Variants in THSD7A observed in about 807,000 individuals in gnomAD.
THSD7A encodes the protein thrombospondin type 1 domain containing 7A, also known as thrombospondin type-1 domain-containing protein 7A.
Under a neutral mutation model 231.3 loss-of-function variants are expected in THSD7A, and 96 were observed. The observed-to-expected ratio is 0.41, with a 90% CI of 0.35 to 0.49. The LOEUF (loss-of-function observed/expected upper bound fraction) is 0.49. Among genes scored for constraint, THSD7A ranks in the 20% least tolerant of loss-of-function variants. THSD7A has a pLI of 0.05. For synonymous variants in THSD7A, 940 were observed against 743.3 expected (o/e 1.26, Z -4.30); for missense variants, 2,290 against 2,070.2 (o/e 1.11, Z -2.06).
intron 19 of THSD7A, among the ~76,000 whole-genome samples, chr7:11,409,467 A>G (rs758832924): frequency 2.0e-4 from 30 of 152,248 alleles, no homozygotes; most frequent in Admixed American, 3.9e-4. Flanking sequence ...CTAGGCTCCC[A>G]TATAATTAAA....
At chr7:11,816,149 A>C (rs1381711146) in intron 1 of THSD7A, among the ~76,000 whole-genome samples, 1 of 152,192 alleles carries the variant, frequency 6.6e-6, no homozygotes, top group Non-Finnish European at 1.5e-5. Flanking sequence ...GTTTATTTAC[A>C]CAGGATAGAG....
intron 1 of THSD7A, among the ~76,000 whole-genome samples, chr7:11,724,446 T>TTTATTGCTTTATA (rs1781475656): frequency 2.6e-5 from 4 of 151,928 alleles, no homozygotes; most frequent in Non-Finnish European, 2.9e-5. Flanking sequence ...TCTGTACTGA[T>TTTATTGCTTTATA]TTTATTGCTT....
At chr7:11,623,611 G>A (rs1260716950) in intron 2 of THSD7A, among the ~76,000 whole-genome samples, 1 of 152,096 alleles carries the variant, frequency 6.6e-6, no homozygotes, top group Non-Finnish European at 1.5e-5. Context: ...GTAAGTAAAT[G>A]TGGGGGTGGG....
intron 23 of THSD7A, among the ~76,000 whole-genome samples, chr7:11,401,581 T>A (rs986067146): frequency 1.3e-5 from 2 of 149,384 alleles, no homozygotes; most frequent in Non-Finnish European, 3.0e-5. Context: ...CCATGCATAA[T>A]TTTTTTTTTG....
chr7:11,511,200 A>G (rs1787793889), intron 6 of THSD7A, among the ~76,000 whole-genome samples: 1 of 152,200 alleles, frequency 6.6e-6, no homozygotes, highest in Non-Finnish European at 1.5e-5. Flanking sequence ...CAAAGAGAAT[A>G]AAATACCTAG....
At chr7:11,769,079 T>C (rs1783121955) in intron 1 of THSD7A, among the ~76,000 whole-genome samples, 2 of 137,684 alleles carry the variant, frequency 1.5e-5, no homozygotes, top group East Asian at 4.2e-4. Flanking sequence ...TGCCTCAGCC[T>C]CCTGAGTAGC....
chr7:11,700,734 G>A (rs1780566523), intron 1 of THSD7A, among the ~76,000 whole-genome samples: 1 of 150,992 alleles, frequency 6.6e-6, no homozygotes, highest in African/African-American at 2.4e-5. Context: ...TGTTGAGTTC[G>A]GGAATTTATT....
In THSD7A at chr7:11,466,656, T is replaced by C. The variant is rs146044565; in HGVS notation, c.2368+3223A>G. ...TTGTTCTAGGAGAAACAACATGAGCTGCCAAATAAAACAGTCAGCACTCAT... is the reference window on the plus strand; with the variant it reads ...TTGTTCTAGGAGAAACAACATGAGCCGCCAAATAAAACAGTCAGCACTCAT... On this transcript the variant is annotated intron_variant, in intron 9 of 27. Coordinates refer to ENST00000423059, the MANE Select transcript of THSD7A (RefSeq NM_015204.3). 4.9e-3 allele frequency among the ~76,000 whole-genome samples: 741 copies of C among 152,232 alleles called. 3 individuals carry two copies. The highest frequency in any genetic ancestry group is 0.017 in the African/African-American group (713 of 41,550).
At chr7:11,774,560 T>C (rs896122069) in intron 1 of THSD7A, among the ~76,000 whole-genome samples, 1 of 152,126 alleles carries the variant, frequency 6.6e-6, no homozygotes, top group African/African-American at 2.4e-5. Flanking sequence ...GTAATGGATA[T>C]TTTTATTACC....
intron 1 of THSD7A, among the ~76,000 whole-genome samples, chr7:11,686,706 T>C (rs1780069353): frequency 6.6e-6 from 1 of 151,872 alleles, no homozygotes; most frequent in Non-Finnish European, 1.5e-5. Context: ...CTGGAGGCCA[T>C]AATCCTAAGC....
chr7:11,398,358 G>A (rs1783271621), intron 23 of THSD7A, among the ~76,000 whole-genome samples: 1 of 152,054 alleles, frequency 6.6e-6, no homozygotes, highest in Admixed American at 6.6e-5. Context: ...GACACAGGGA[G>A]GGGAACATCA....
chr7:11,386,186 T>A (rs1420052813), intron 23 of THSD7A, among the ~76,000 whole-genome samples: 1 of 152,192 alleles, frequency 6.6e-6, no homozygotes, highest in Admixed American at 6.5e-5. Flanking sequence ...TATGTGTGCA[T>A]GTGTCTTTAT....
chr7:11,816,084 C>G (rs1482971606), intron 1 of THSD7A, among the ~76,000 whole-genome samples: 1 of 152,148 alleles, frequency 6.6e-6, no homozygotes, highest in East Asian at 1.9e-4. Context: ...CTCCCTCCTC[C>G]ATTTTACATC....
chr7:11,745,296 T>G (rs1331139738), intron 1 of THSD7A, among the ~76,000 whole-genome samples: 1 of 152,126 alleles, frequency 6.6e-6, no homozygotes, highest in Non-Finnish European at 1.5e-5. Flanking sequence ...GGTTGTTTGT[T>G]TTTTTCTTGT....
chr7:11,400,078 G>T (rs567720294), intron 23 of THSD7A, among the ~76,000 whole-genome samples: 1 of 149,222 alleles, frequency 6.7e-6, no homozygotes, highest in Non-Finnish European at 1.5e-5. Context: ...ACCAAACACC[G>T]CATGTTCTCA....
intron 6 of THSD7A, among the ~76,000 whole-genome samples, chr7:11,501,629 C>T (rs1050980538): frequency 6.6e-6 from 1 of 152,126 alleles, no homozygotes; most frequent in Non-Finnish European, 1.5e-5. Flanking sequence ...ATAGCTAAGG[C>T]AGTGTTAAGA....
At chr7:11,715,202 T>G (rs1287914979) in intron 1 of THSD7A, among the ~76,000 whole-genome samples, 2 of 151,442 alleles carry the variant, frequency 1.3e-5, no homozygotes, top group African/African-American at 4.8e-5. Context: ...TCATATTGTT[T>G]TCCTCTGAAA....
chr7:11,388,181 C>CTGCCAGGTT (rs1782837477), intron 23 of THSD7A, among the ~76,000 whole-genome samples: 4 of 144,566 alleles, frequency 2.8e-5, no homozygotes, highest in Non-Finnish European at 4.7e-5. Context: ...TTTGTTGTGT[C>CTGCCAGGTT]TTGGTATCAG....
intron 6 of THSD7A, among the ~76,000 whole-genome samples, chr7:11,489,683 C>T (rs1004429645): frequency 5.3e-5 from 8 of 152,130 alleles, no homozygotes; most frequent in Middle Eastern, 3.4e-3. Context: ...TCCCACTGTT[C>T]ACCCCACCCC....
Sources: allele counts gnomAD v4.1 joint callset (sites outside exome capture counted in the v4.1 genomes callset), GRCh38; gene constraint gnomAD v4.1.1; transcripts MANE v1.5; gene names NCBI Gene and HGNC (gene_info 2026-07-23, HGNC 2026-07-21).